The following CYP39A1 variants were observed in gnomAD, a reference collection of about 807,000 sequenced individuals.
CYP39A1 encodes cytochrome P450 family 39 subfamily A member 1.
In CYP39A1, 49 loss-of-function variants were observed where a neutral mutation model predicts 58.1. That is an observed-to-expected ratio of 0.84 (90% CI 0.67 to 1.07). The LOEUF is 1.07. Among genes scored for constraint, CYP39A1 ranks in the 50% least tolerant of loss-of-function variants. The pLI, the probability that CYP39A1 is intolerant of heterozygous loss-of-function variation, is 0.00. For synonymous variants in CYP39A1, 209 were observed against 187.6 expected (o/e 1.11, Z -0.93); for missense variants, 531 against 539.4 (o/e 0.98, Z 0.16).
intron 4 of CYP39A1, among the ~76,000 whole-genome samples, chr6:46,636,832 A>T (rs1307350369): frequency 6.6e-6 from 1 of 152,186 alleles, no homozygotes; most frequent in Non-Finnish European, 1.5e-5. Flanking sequence ...TCGCTGACTT[A>T]AGCCGGGAAA....
chr6:46,607,974 A>G (rs1424803768), intron 7 of CYP39A1, among the ~76,000 whole-genome samples: 2 of 152,148 alleles, frequency 1.3e-5, no homozygotes, highest in Non-Finnish European at 2.9e-5. Flanking sequence ...AGTGTGTGCA[A>G]AAGATCATAG....
chr6:46,611,386 C>T (rs1774204290), intron 7 of CYP39A1, among the ~76,000 whole-genome samples: 2 of 152,182 alleles, frequency 1.3e-5, no homozygotes, highest in South Asian at 4.1e-4. Flanking sequence ...CTGACTGCAA[C>T]GTTTCTGAGA....
At chr6:46,625,046 C>G (rs1460758721) in intron 7 of CYP39A1, among the ~76,000 whole-genome samples, 1 of 152,074 alleles carries the variant, frequency 6.6e-6, no homozygotes, top group Non-Finnish European at 1.5e-5. Context: ...GGAATATACC[C>G]TTATTACTTT....
At chr6:46,576,715 CAG>C in intron 10 of CYP39A1, among the ~76,000 whole-genome samples, 1 of 152,284 alleles carries the variant, frequency 6.6e-6, no homozygotes, top group East Asian at 1.9e-4. Flanking sequence ...GCACTGATAA[CAG>C]AGTAAACCAA....
At chr6:46,551,480 G>A (rs751954408) in intron 11 of CYP39A1, among the ~76,000 whole-genome samples, 1 of 152,054 alleles carries the variant, frequency 6.6e-6, no homozygotes, top group Non-Finnish European at 1.5e-5. Flanking sequence ...GCTCAAAATG[G>A]AACAGCCCTC....
chr6:46,604,662 T>C (rs1773728514), intron 7 of CYP39A1, among the ~76,000 whole-genome samples: 2 of 152,174 alleles, frequency 1.3e-5, no homozygotes, highest in African/African-American at 4.8e-5. Flanking sequence ...AGAAGATAAA[T>C]TGGATTGGAT....
At chr6:46,615,362 A>G (rs1228646725) in intron 7 of CYP39A1, among the ~76,000 whole-genome samples, 1 of 152,018 alleles carries the variant, frequency 6.6e-6, no homozygotes, top group Non-Finnish European at 1.5e-5. Context: ...ATATATACAA[A>G]TACACTCCTT....
chr6:46,552,544 C>A (rs970822272), intron 11 of CYP39A1, among the ~76,000 whole-genome samples: 2 of 152,178 alleles, frequency 1.3e-5, no homozygotes, highest in African/African-American at 4.8e-5. Flanking sequence ...TCTCTCCATA[C>A]ATTAGCCTTA....
At chr6:46,617,855 T>C (rs115908137) in intron 7 of CYP39A1, among the ~76,000 whole-genome samples, 1,558 of 152,278 alleles carry the variant, frequency 0.01, 23 homozygotes, top group African/African-American at 0.036. Context: ...TATTAACTAT[T>C]ACTGTTTCTA....
At chr6:46,650,594 CCTGAG>C (rs1373681611) in intron 1 of CYP39A1, among the ~76,000 whole-genome samples, 3 of 139,824 alleles carry the variant, frequency 2.1e-5, no homozygotes, top group Non-Finnish European at 1.5e-5. Flanking sequence ...ATCTGGAACT[CCTGAG>C]CTCAAGCAAT....
intron 1 of CYP39A1, among the ~76,000 whole-genome samples, chr6:46,647,047 T>C (rs772851608): frequency 2.6e-5 from 4 of 152,066 alleles, no homozygotes; most frequent in Non-Finnish European, 2.9e-5. Context: ...TTGATTTCTG[T>C]TCCTTACTAT....
chr6:46,636,470 T>A lies in CYP39A1; in HGVS notation c.651A>T (p.Lys217Asn), dbSNP rs747911951. Residue 217 changes from lysine (K) to asparagine (N), a missense_variant, in exon 5 of 12, where the codon AAA becomes AAT. Transcript: ENST00000275016. ...ACAGTTCCAGGAACCACTTTTTGGA[T>A]TTTGACCAGTTTCTACATGAGAAAA... ...LPECLLRNWSKSKKWFLELFE... is the reference protein window; with the variant it reads ...LPECLLRNWSNSKKWFLELFE... 2 of 1,605,732 alleles carry A rather than the reference T, an allele frequency of 1.2e-6. No individual in the cohort carries two copies. The highest frequency in any genetic ancestry group is 2.7e-5 in the African/African-American group (2 of 74,576).
chr6:46,582,400 T>C (rs1772182008), intron 10 of CYP39A1, among the ~76,000 whole-genome samples: 1 of 152,156 alleles, frequency 6.6e-6, no homozygotes, highest in South Asian at 2.1e-4. Context: ...CATAAATATA[T>C]AGAAAAAGAT....
intron 8 of CYP39A1, among the ~76,000 whole-genome samples, chr6:46,594,036 A>G (rs542659045): frequency 6.6e-6 from 1 of 152,196 alleles, no homozygotes; most frequent in South Asian, 2.1e-4. Flanking sequence ...TCCTTAGCTC[A>G]TTGGTGCTAA....
intron 11 of CYP39A1, 34 bp from the exon 12 acceptor site, chr6:46,550,471 A>G (rs1407221814): frequency 1.9e-6 from 3 of 1,575,794 alleles, no homozygotes; most frequent in Non-Finnish European, 2.6e-6. Flanking sequence ...ATAGAAATTA[A>G]GAGACATAAG....
chr6:46,580,567 C>A (rs1027318746), intron 10 of CYP39A1, among the ~76,000 whole-genome samples: 31 of 152,096 alleles, frequency 2.0e-4, no homozygotes, highest in Admixed American at 7.9e-4. Context: ...AGTAAACAGA[C>A]AATCTACAGA....
intron 7 of CYP39A1, among the ~76,000 whole-genome samples, chr6:46,621,685 A>G (rs1433471320): frequency 6.6e-6 from 1 of 152,172 alleles, no homozygotes; most frequent in Non-Finnish European, 1.5e-5. Flanking sequence ...CTTCTCAAAA[A>G]GAAAATCTTA....
chr6:46,609,543 A>C (rs999373371), intron 7 of CYP39A1, among the ~76,000 whole-genome samples: 6 of 152,166 alleles, frequency 3.9e-5, no homozygotes, highest in African/African-American at 7.2e-5. Context: ...GTCCCTGGAG[A>C]TTAGTTATGT....
At chr6:46,634,083 C>T (rs1258791809) in intron 5 of CYP39A1, among the ~76,000 whole-genome samples, 2 of 152,226 alleles carry the variant, frequency 1.3e-5, no homozygotes, top group African/African-American at 4.8e-5. Context: ...TACGAAGCCA[C>T]CAAAATCTCA....
Sources: allele counts gnomAD v4.1 joint callset (sites outside exome capture counted in the v4.1 genomes callset), GRCh38; gene constraint gnomAD v4.1.1; transcripts MANE v1.5; gene names NCBI Gene and HGNC (gene_info 2026-07-23, HGNC 2026-07-21).